The following NUF2 variants were observed in gnomAD, a reference collection of about 807,000 sequenced individuals.
NUF2 encodes kinetochore protein Nuf2.
NUF2 carries 34 observed loss-of-function variants against 61.8 expected under a neutral mutation model. That is an observed-to-expected ratio of 0.55 (90% CI 0.42 to 0.73). The LOEUF (loss-of-function observed/expected upper bound fraction) is 0.73, where lower values mean the gene tolerates loss of function less well. NUF2 is among the 30% of genes least tolerant of loss of function. The probability of loss-of-function intolerance (pLI) is 0.00; values close to 1 mark genes in which losing one functional copy is unlikely to be tolerated. For missense variants in NUF2, 445 were observed against 539.1 expected (o/e 0.83, Z 1.73); for synonymous variants, 172 against 181.6 (o/e 0.95, Z 0.42).
chr1:163,323,913 C>T (rs939203662), intron 1 of NUF2, among the ~76,000 whole-genome samples: 2 of 151,942 alleles, frequency 1.3e-5, no homozygotes, highest in Non-Finnish European at 2.9e-5. Context: ...AGGGAGAAGC[C>T]GCCTTGATGC....
chr1:163,322,693 C>A (rs1001234996), intron 1 of NUF2, among the ~76,000 whole-genome samples: 50 of 152,178 alleles, frequency 3.3e-4, no homozygotes, highest in Non-Finnish European at 3.4e-4. Flanking sequence ...TTTAACAAAA[C>A]GAAGTGTGTA....
chr1:163,352,242 C>T (rs977105132), intron 13 of NUF2, among the ~76,000 whole-genome samples: 3 of 152,162 alleles, frequency 2.0e-5, no homozygotes, highest in African/African-American at 7.2e-5. Context: ...GCCCTTCATA[C>T]ATACAGCGCT....
chr1:163,334,828 G>A (rs1424232375), intron 5 of NUF2, among the ~76,000 whole-genome samples: 1 of 152,116 alleles, frequency 6.6e-6, no homozygotes. Context: ...TGTTTTTCTT[G>A]AGCCCTCGGT....
At chr1:163,353,430 C>T (rs2101694809) in intron 13 of NUF2, among the ~76,000 whole-genome samples, 1 of 152,302 alleles carries the variant, frequency 6.6e-6, no homozygotes, top group East Asian at 1.9e-4. Flanking sequence ...TTGCTGAATA[C>T]TGTAGCCAGT....
intron 10 of NUF2, among the ~76,000 whole-genome samples, chr1:163,344,266 CTG>C (rs1443236115): frequency 1.3e-5 from 2 of 151,970 alleles, no homozygotes; most frequent in Admixed American, 1.3e-4. Flanking sequence ...CGAGAAATCT[CTG>C]TACCTTCTGA....
In NUF2 at chr1:163,348,931, C is replaced by G; in HGVS notation, c.1125-14C>G. 1 of 1,598,822 alleles carries G rather than the reference C, an allele frequency of 6.3e-7. No homozygotes were observed. Among genetic ancestry groups the G allele is most frequent in the Non-Finnish European group, 8.5e-7 (1 of 1,176,320 alleles). On this transcript the variant is annotated splice_polypyrimidine_tract_variant and intron_variant, in intron 12 of 13. Coordinates refer to ENST00000271452, the MANE Select transcript of NUF2 (RefSeq NM_145697.3). ...GAAGAGGATTAAATATTAGCTGTCTCGATTTTCTTTCAGGGATTGCAATAA... is the reference window on the plus strand; with the variant it reads ...GAAGAGGATTAAATATTAGCTGTCTGGATTTTCTTTCAGGGATTGCAATAA...
intron 13 of NUF2, among the ~76,000 whole-genome samples, chr1:163,350,981 G>A (rs556741999): frequency 2.0e-5 from 3 of 152,156 alleles, no homozygotes; most frequent in Admixed American, 1.3e-4. Flanking sequence ...TGGAGCAAAT[G>A]TGTACCCTTT....
intron 1 of NUF2, among the ~76,000 whole-genome samples, chr1:163,323,891 G>GA (rs1453231416): frequency 6.6e-6 from 1 of 151,954 alleles, no homozygotes; most frequent in Non-Finnish European, 1.5e-5. Context: ...GGGAAAGGGG[G>GA]AAAAAAAGAA....
chr1:163,330,201 T>A (rs1046893306), intron 5 of NUF2, among the ~76,000 whole-genome samples: 4 of 152,178 alleles, frequency 2.6e-5, no homozygotes, highest in Non-Finnish European at 5.9e-5. Flanking sequence ...GGGATGATAA[T>A]GATGTGTCAG....
intron 10 of NUF2, 35 bp downstream of exon 10, chr1:163,343,905 T>TA (rs762788695): frequency 0.016 from 17,827 of 1,092,234 alleles, 3 homozygotes; most frequent in South Asian, 0.018. Context: ...CTTTTGTATC[T>TA]AAAAAAAAAA....
intron 5 of NUF2, among the ~76,000 whole-genome samples, chr1:163,329,425 C>A (rs1650529468): frequency 6.6e-6 from 1 of 152,020 alleles, no homozygotes; most frequent in Non-Finnish European, 1.5e-5. Context: ...TAAAGAAATA[C>A]CTGAGACTGG....
At chr1:163,325,345 A>G (rs1650381075) in intron 1 of NUF2, among the ~76,000 whole-genome samples, 1 of 152,204 alleles carries the variant, frequency 6.6e-6, no homozygotes, top group Non-Finnish European at 1.5e-5. Context: ...GTCTTCAGCC[A>G]TTGCCAGATG....
intron 1 of NUF2, among the ~76,000 whole-genome samples, chr1:163,324,654 AG>A (rs1365610335): frequency 2.0e-5 from 3 of 152,126 alleles, no homozygotes; most frequent in Non-Finnish European, 4.4e-5. Flanking sequence ...GTAACACAAC[AG>A]GTATTTAAGG....
intron 13 of NUF2, among the ~76,000 whole-genome samples, chr1:163,354,182 A>G (rs1396910325): frequency 1.3e-5 from 2 of 152,172 alleles, no homozygotes; most frequent in Non-Finnish European, 2.9e-5. Context: ...AAAGCCTTCA[A>G]AAATTTTGAT....
chr1:163,325,923 C>G (rs748026249), intron 1 of NUF2, 109 bp from the exon 2 acceptor site: 1 of 679,610 alleles, frequency 1.5e-6, no homozygotes, highest in Non-Finnish European at 2.5e-6. Flanking sequence ...ATAGTTAACA[C>G]TACTATGAAT....
chr1:163,349,316 C>T (rs2101690236), intron 13 of NUF2, among the ~76,000 whole-genome samples: 1 of 152,194 alleles, frequency 6.6e-6, no homozygotes, highest in Admixed American at 6.5e-5. Context: ...AATGCTAGTA[C>T]AGTGCTAAAC....
At chr1:163,349,145 A>G in intron 13 of NUF2, 65 bp downstream of exon 13, 1 of 1,367,242 alleles carries the variant, frequency 7.3e-7, no homozygotes, top group Admixed American at 2.4e-5. Context: ...TGTTAACTGA[A>G]ACAAAACAGC....
intron 11 of NUF2, among the ~76,000 whole-genome samples, chr1:163,346,729 T>C (rs1651139781): frequency 2.0e-5 from 3 of 152,056 alleles, no homozygotes; most frequent in Admixed American, 1.3e-4. Context: ...ATGGTGTATG[T>C]CTGTAGTCCC....
intron 2 of NUF2, among the ~76,000 whole-genome samples, chr1:163,326,404 T>TA (rs35847334): frequency 0.15 from 21,392 of 147,322 alleles, 1,791 homozygotes; most frequent in South Asian, 0.3. Context: ...GTCGTTTTCT[T>TA]AAAAAAAAAA....
Sources: gnomAD v4.1 joint callset for allele counts (sites outside exome capture counted in the v4.1 genomes callset) on GRCh38, gnomAD v4.1.1 for gene constraint, MANE v1.5 for transcripts, NCBI Gene and HGNC (gene_info 2026-07-23, HGNC 2026-07-21) for gene names.